CFAP43: variants seen among roughly 807,000 people sequenced by gnomAD.
CFAP43 encodes cilia and flagella associated protein 43.
CFAP43 carries 155 observed loss-of-function variants against 218.9 expected under a neutral mutation model. The ratio of observed to expected loss-of-function variants is 0.71; its 90% confidence interval spans 0.62 to 0.81. The LOEUF is 0.81. CFAP43 is among the 30% of genes least tolerant of loss of function. The pLI, the probability that CFAP43 is intolerant of heterozygous loss-of-function variation, is 0.00. For missense variants in CFAP43, 1,778 were observed against 1,954.3 expected, an observed-to-expected ratio of 0.91 and a Z score of 1.70; for synonymous variants, 645 against 681.3, an observed-to-expected ratio of 0.95 and a Z score of 0.83.
At chr10:104,134,061 C>T (rs1044644731) in intron 34 of CFAP43, among the ~76,000 whole-genome samples, 2 of 152,004 alleles carry the variant, frequency 1.3e-5, no homozygotes, top group Admixed American at 6.6e-5. Flanking sequence ...TTTGCCATCA[C>T]CCAATCTACC....
At chr10:104,170,597 G>T (rs2089369736) in intron 20 of CFAP43, among the ~76,000 whole-genome samples, 1 of 152,074 alleles carries the variant, frequency 6.6e-6, no homozygotes, top group African/African-American at 2.4e-5. Context: ...GGAAGAGTCA[G>T]GATCTTCCTG....
intron 18 of CFAP43, 53 bp from the exon 19 acceptor site, chr10:104,179,159 G>A: frequency 4.0e-6 from 2 of 502,366 alleles, no homozygotes; most frequent in Non-Finnish European, 5.9e-6. Flanking sequence ...ATCAGACAGA[G>A]AGAGAGAGAG....
At chr10:104,192,748 T>C (rs1486100210) in intron 11 of CFAP43, 1 of 173,752 alleles carries the variant, frequency 5.8e-6, no homozygotes, top group Non-Finnish European at 1.2e-5. Context: ...AGATGTAAAT[T>C]AGAATAAGAG....
At chr10:104,214,797 G>A (rs1444793113) in intron 3 of CFAP43, among the ~76,000 whole-genome samples, 1 of 152,158 alleles carries the variant, frequency 6.6e-6, no homozygotes, top group African/African-American at 2.4e-5. Flanking sequence ...TATGGATCTG[G>A]GGGTACTGTT....
chr10:104,204,717 G>T (rs1239697622), intron 7 of CFAP43, among the ~76,000 whole-genome samples: 1 of 152,170 alleles, frequency 6.6e-6, no homozygotes, highest in Admixed American at 6.5e-5. Context: ...AAGTGTAGGT[G>T]TATGTGCTCC....
chr10:104,152,496 C>G (rs2088314852), intron 28 of CFAP43, 111 bp downstream of exon 28: 3 of 1,470,542 alleles, frequency 2.0e-6, no homozygotes, highest in Non-Finnish European at 2.8e-6. Flanking sequence ...GACGCAGGGC[C>G]CAGAGCATAC....
chr10:104,160,991 A>C (rs1173185362), intron 27 of CFAP43, 46 bp downstream of exon 27: 1 of 1,537,316 alleles, frequency 6.5e-7, no homozygotes. Context: ...ATATTTAAAC[A>C]GCACTCTGGA....
intron 5 of CFAP43, among the ~76,000 whole-genome samples, chr10:104,211,350 C>T (rs1017812645): frequency 2.0e-5 from 3 of 152,146 alleles, no homozygotes; most frequent in South Asian, 2.1e-4. Context: ...GGCCACCATG[C>T]GAATCCCATT....
intron 8 of CFAP43, among the ~76,000 whole-genome samples, chr10:104,199,111 A>G (rs898967758): frequency 2.0e-5 from 3 of 152,230 alleles, no homozygotes; most frequent in African/African-American, 7.2e-5. Context: ...TGGAAGGAAC[A>G]CTAAACATTT....
At chr10:104,191,799 G>A (rs1175542608) in intron 12 of CFAP43, among the ~76,000 whole-genome samples, 2 of 135,942 alleles carry the variant, frequency 1.5e-5, no homozygotes, top group Non-Finnish European at 3.2e-5. Context: ...TGGGGGGGGG[G>A]AAACACATAT....
chr10:104,218,073 G>A (rs2091065673), intron 3 of CFAP43, among the ~76,000 whole-genome samples: 1 of 151,994 alleles, frequency 6.6e-6, no homozygotes, highest in African/African-American at 2.4e-5. Flanking sequence ...CCAAGGCCGG[G>A]CGCAGTGGCT....
chr10:104,157,180 G>A (rs1473014277), intron 27 of CFAP43, among the ~76,000 whole-genome samples: 1 of 152,196 alleles, frequency 6.6e-6, no homozygotes, highest in Non-Finnish European at 1.5e-5. Flanking sequence ...ATACTTTGTA[G>A]AGAACAAAGT....
At chr10:104,163,527 G>C (rs1221869341) in intron 24 of CFAP43, among the ~76,000 whole-genome samples, 2 of 151,946 alleles carry the variant, frequency 1.3e-5, no homozygotes, top group Non-Finnish European at 2.9e-5. Flanking sequence ...ATTTCCAACT[G>C]CCTCTGTGCC....
intron 33 of CFAP43, 95 bp downstream of exon 33, chr10:104,142,186 A>G: frequency 2.1e-6 from 2 of 968,706 alleles, no homozygotes. Flanking sequence ...ATGGCTGTAA[A>G]GCAGTCAGTA....
At chr10:104,177,481 G>C (rs2089673830) in intron 19 of CFAP43, among the ~76,000 whole-genome samples, 1 of 152,164 alleles carries the variant, frequency 6.6e-6, no homozygotes, top group African/African-American at 2.4e-5. Flanking sequence ...CCTGCAATCT[G>C]AGCCCCAAGA....
At chr10:104,203,868 C>G in intron 7 of CFAP43, 65 bp from the exon 8 acceptor site, 5 of 1,427,130 alleles carry the variant, frequency 3.5e-6, no homozygotes, top group Non-Finnish European at 2.8e-6. Context: ...CTTGCCTCAT[C>G]AGACAAGCTA....
In CFAP43 at chr10:104,232,324, G is replaced by GGGGCTGC. The variant is rs1288899161; in HGVS notation, c.-85_-79dup. ...GGGTCGGTTACCTTTCCGCCGCCGC[G>GGGGCTGC]GGGCTGCGGGCCGCGACGCCGCTGC... is the stretch of plus-strand genomic sequence containing the variant. On this transcript the variant is annotated 5_prime_UTR_variant, in exon 1 of 38. Transcript: ENST00000357060. 1.4e-6 allele frequency: 2 copies of GGGGCTGC among 1,401,684 alleles called. No homozygotes were observed. The highest frequency in any genetic ancestry group is 2.9e-5 in the African/African-American group (2 of 67,878). The allele number at this position is 1,401,684 out of a possible 1,614,324, so 86.8% of individuals were successfully genotyped here. A position where few individuals can be genotyped will look rare whatever the true frequency, so the allele number is the denominator to read the frequency against.
intron 1 of CFAP43, among the ~76,000 whole-genome samples, chr10:104,231,045 A>T (rs140450352): frequency 3.9e-5 from 6 of 152,332 alleles, no homozygotes; most frequent in Admixed American, 3.9e-4. Flanking sequence ...ATGTAGACCT[A>T]AAGTTCCGTA....
chr10:104,169,633 A>G (rs2089324244), intron 20 of CFAP43, among the ~76,000 whole-genome samples: 1 of 151,982 alleles, frequency 6.6e-6, no homozygotes, highest in Non-Finnish European at 1.5e-5. Context: ...TTTTGTTGGC[A>G]GAATTATTAG....
Sources: gnomAD v4.1 joint callset for allele counts (sites outside exome capture counted in the v4.1 genomes callset) on GRCh38, gnomAD v4.1.1 for gene constraint, MANE v1.5 for transcripts, NCBI Gene and HGNC (gene_info 2026-07-23, HGNC 2026-07-21) for gene names.